CDK5RAP1: variants seen among roughly 807,000 people sequenced by gnomAD.
CDK5RAP1 encodes mitochondrial tRNA methylthiotransferase CDK5RAP1.
A neutral mutation model predicts 64.5 loss-of-function variants in CDK5RAP1; 62 were observed. That is an observed-to-expected ratio of 0.96 (90% confidence interval 0.78 to 1.19). The LOEUF is 1.19. Ranked by LOEUF, CDK5RAP1 falls within the 50% of genes most tolerant of loss-of-function variation. The pLI, the probability that CDK5RAP1 is intolerant of heterozygous loss-of-function variation, is 0.00. For missense variants in CDK5RAP1, 657 were observed against 735.0 expected, an observed-to-expected ratio of 0.89 and a Z score of 1.23; for synonymous variants, 250 against 261.9, an observed-to-expected ratio of 0.95 and a Z score of 0.44.
At chr20:33,371,586 G>C (rs979576797) in intron 10 of CDK5RAP1, among the ~76,000 whole-genome samples, 1 of 152,042 alleles carries the variant, frequency 6.6e-6, no homozygotes, top group Non-Finnish European at 1.5e-5. Flanking sequence ...TCAGGAGTTC[G>C]GGACCAGCCT....
chr20:33,391,715 G>A (rs1185158741), intron 5 of CDK5RAP1, among the ~76,000 whole-genome samples: 1 of 152,138 alleles, frequency 6.6e-6, no homozygotes, highest in East Asian at 1.9e-4. Context: ...AGCTACTCGG[G>A]AGGCTGAGGC....
In CDK5RAP1 at chr20:33,387,451, C is replaced by T. The variant is rs1987589643; in HGVS notation, c.627G>A (p.Arg209=). ...CAACAGCCAGCAGCCGGGGAAGGTC[C>T]CGGTAGGCATCAGGACCAGCCAAAA... ...VDILAGPDAY[R]DLPRLLAVAE... Residue 209 remains arginine, a synonymous_variant, in exon 6 of 14, where the codon CGG becomes CGA. Transcript: ENST00000346416. 2 of 1,614,106 alleles carry T rather than the reference C, an allele frequency of 1.2e-6. No individual in the cohort carries two copies. The highest frequency in any genetic ancestry group is 1.7e-6 in the Non-Finnish European group (2 of 1,180,016).
intron 12 of CDK5RAP1, among the ~76,000 whole-genome samples, chr20:33,364,485 C>A (rs542242858): frequency 6.6e-6 from 1 of 152,230 alleles, no homozygotes; most frequent in South Asian, 2.1e-4. Context: ...CCGCGCCTGG[C>A]CCGAAGAAGT....
chr20:33,379,734 A>G (rs1232755011), intron 7 of CDK5RAP1, 43 bp from the exon 8 acceptor site: 3 of 1,413,040 alleles, frequency 2.1e-6, no homozygotes, highest in Non-Finnish European at 3.0e-6. Flanking sequence ...ACTTTTGGGT[A>G]GCTTCATAAA....
chr20:33,381,453 G>A (rs1360316562), intron 7 of CDK5RAP1, among the ~76,000 whole-genome samples: 1 of 152,082 alleles, frequency 6.6e-6, no homozygotes, highest in Non-Finnish European at 1.5e-5. Flanking sequence ...TTGAGACAGA[G>A]TCTCACTCTG....
chr20:33,396,162 A>G (rs529386599), intron 2 of CDK5RAP1, among the ~76,000 whole-genome samples: 25 of 152,366 alleles, frequency 1.6e-4, no homozygotes, highest in Non-Finnish European at 3.1e-4. Context: ...GAGGGTACAT[A>G]AAGTCACAAA....
chr20:33,401,210 C>A (rs1412984232), intron 1 of CDK5RAP1, among the ~76,000 whole-genome samples: 1 of 152,226 alleles, frequency 6.6e-6, no homozygotes, highest in Non-Finnish European at 1.5e-5. Flanking sequence ...CGAAGCGAAG[C>A]CTTGAAAGAA....
chr20:33,359,641 G>C (rs1272406492), intron 13 of CDK5RAP1: 1 of 156,232 alleles, frequency 6.4e-6, no homozygotes, highest in Non-Finnish European at 1.4e-5. Context: ...CTAGGTGCTA[G>C]AAGATAAACA....
chr20:33,398,415 G>A (rs1044290508), intron 1 of CDK5RAP1, among the ~76,000 whole-genome samples: 1 of 152,168 alleles, frequency 6.6e-6, no homozygotes, highest in Non-Finnish European at 1.5e-5. Flanking sequence ...AATCTCTTGA[G>A]CTCAGGAGGA....
At chr20:33,382,917 A>T (rs1257471139) in intron 7 of CDK5RAP1, among the ~76,000 whole-genome samples, 6 of 151,914 alleles carry the variant, frequency 3.9e-5, no homozygotes, top group African/African-American at 1.4e-4. Context: ...ACAGTGGCTC[A>T]CACCTGTAAT....
intron 3 of CDK5RAP1, among the ~76,000 whole-genome samples, chr20:33,394,679 G>A (rs1387220791): frequency 1.3e-5 from 2 of 151,942 alleles, no homozygotes; most frequent in African/African-American, 4.8e-5. Context: ...CAGTCCTGTG[G>A]CATTAAGAAC....
chr20:33,401,427 C>T lies in CDK5RAP1; in HGVS notation c.-21+1G>A, dbSNP rs1343527520. On this transcript the variant is annotated splice_donor_variant, in intron 1 of 13. Coordinates refer to ENST00000346416, the MANE Select transcript of CDK5RAP1 (RefSeq NM_016408.4). LOFTEE classifies it low-confidence loss of function (5UTR_SPLICE). ...CCCACCCCGGCGGCCGCGCTGCTCA[C>T]CTCCCGCAGCAGCAACAGTGCCCGG... is the stretch of plus-strand genomic sequence containing the variant. 2 of 985,382 alleles carry T rather than the reference C, an allele frequency of 2.0e-6. No homozygotes were observed. The highest frequency in any genetic ancestry group is 2.4e-6 in the Non-Finnish European group (2 of 829,968). 61.0% of individuals were successfully genotyped at this position (985,382 alleles called of 1,614,324 possible).
At chr20:33,359,250 A>G in intron 13 of CDK5RAP1, 127 bp from the exon 14 acceptor site, 2 of 675,234 alleles carry the variant, frequency 3.0e-6, no homozygotes, top group East Asian at 2.6e-5. Flanking sequence ...CAGAGACCAC[A>G]TGGCTCCTGT....
At chr20:33,384,604 A>G (rs1304892264) in intron 7 of CDK5RAP1, among the ~76,000 whole-genome samples, 1 of 152,152 alleles carries the variant, frequency 6.6e-6, no homozygotes, top group Non-Finnish European at 1.5e-5. Context: ...CTGGTGACTT[A>G]GAACTAGAGC....
rs1370563377 is a variant in CDK5RAP1 at position 33,374,115 on chromosome 20, C to T, written c.1205G>A (p.Gly402Glu). 1.2e-6 allele frequency: 2 copies of T among 1,609,814 alleles called. No homozygotes were observed. The highest frequency in any genetic ancestry group is 1.7e-5 in the Admixed American group (1 of 59,980). Residue 402 changes from glycine (G) to glutamate (E), a missense_variant and splice_region_variant, in exon 9 of 14, where the codon GGA becomes GAA. Physicochemically the swap from Gly to Glu is moderately conservative, Grantham distance 98 (BLOSUM62 -2). Transcript: ENST00000346416. Reference sequence around the variant, plus strand: ...TGCCCCCTCTCCAAGCAAGCCTGACCCCCTCCGCATGGCCTCCAACACACG... The same window carrying T: ...TGCCCCCTCTCCAAGCAAGCCTGACTCCCTCCGCATGGCCTCCAACACACG... ...SSRVLEAMRRGYSREAYVELV... is the reference protein window; with the variant it reads ...SSRVLEAMRREYSREAYVELV...
intron 10 of CDK5RAP1, among the ~76,000 whole-genome samples, chr20:33,371,090 TC>T (rs1206873492): frequency 6.6e-6 from 1 of 152,098 alleles, no homozygotes. Flanking sequence ...GGTCAGGAGT[TC>T]GAGACCAGCC....
intron 12 of CDK5RAP1, among the ~76,000 whole-genome samples, chr20:33,363,900 C>A (rs1983394264): frequency 6.6e-6 from 1 of 151,422 alleles, no homozygotes. Flanking sequence ...GACTTTGTCT[C>A]AAAAAATATA....
intron 11 of CDK5RAP1, among the ~76,000 whole-genome samples, 193 bp downstream of exon 11, chr20:33,370,306 A>G (rs1984760829): frequency 6.6e-6 from 1 of 152,244 alleles, no homozygotes; most frequent in Admixed American, 6.5e-5. Flanking sequence ...CACAGTAATC[A>G]TGTATCATCA....
At chr20:33,394,967 A>G (rs745704706) in intron 3 of CDK5RAP1, 46 bp downstream of exon 3, 2 of 1,197,486 alleles carry the variant, frequency 1.7e-6, no homozygotes, top group South Asian at 2.4e-5. Flanking sequence ...CAAATGCAGA[A>G]TCTTGCCCAG....
Sources: gnomAD v4.1 joint callset for allele counts (sites outside exome capture counted in the v4.1 genomes callset) on GRCh38, gnomAD v4.1.1 for gene constraint, MANE v1.5 for transcripts, NCBI Gene and HGNC (gene_info 2026-07-23, HGNC 2026-07-21) for gene names.